Variants in EXOSC10 observed in about 807,000 individuals in gnomAD.
EXOSC10 encodes exosome component 10.
EXOSC10 carries 94 observed loss-of-function variants against 126.6 expected under a neutral mutation model. That is an observed-to-expected ratio of 0.74 (90% CI 0.63 to 0.88). EXOSC10 has a LOEUF of 0.88. Ranked by LOEUF, EXOSC10 falls within the 40% of genes least tolerant of loss-of-function variation. The pLI, the probability that EXOSC10 is intolerant of heterozygous loss-of-function variation, is 0.00. For synonymous variants in EXOSC10, 395 were observed against 400.8 expected (o/e 0.99, Z 0.17); for missense variants, 1,041 against 1,100.5 (o/e 0.95, Z 0.77).
chr1:11,077,310 C>G (rs1393886249), intron 16 of EXOSC10, 55 bp downstream of exon 16: 1 of 1,552,776 alleles, frequency 6.4e-7, no homozygotes, highest in East Asian at 2.3e-5. Flanking sequence ...GAATTTTAGA[C>G]AAGGTAGCTG....
intron 24 of EXOSC10, among the ~76,000 whole-genome samples, 172 bp downstream of exon 24, chr1:11,067,836 C>T (rs1490971757): frequency 6.6e-6 from 1 of 152,026 alleles, no homozygotes; most frequent in African/African-American, 2.4e-5. Context: ...AAATCACCTC[C>T]CGCCCTTGTT....
intron 11 of EXOSC10, 25 bp downstream of exon 11, chr1:11,081,057 C>A: frequency 6.2e-7 from 1 of 1,612,590 alleles, no homozygotes; most frequent in Non-Finnish European, 8.5e-7. Context: ...GTGTCGCGGT[C>A]TGTGTGACTG....
chr1:11,097,166 C>T (rs1040713144), intron 2 of EXOSC10, among the ~76,000 whole-genome samples: 20 of 151,582 alleles, frequency 1.3e-4, no homozygotes, highest in East Asian at 5.9e-4. Context: ...GCCGAGATCA[C>T]GCCACTGCAC....
intron 23 of EXOSC10, 119 bp from the exon 24 acceptor site, chr1:11,068,203 CCT>C (rs1294902881): frequency 1.1e-5 from 8 of 746,554 alleles, no homozygotes; most frequent in Admixed American, 2.5e-5. Context: ...CTTTAGATCC[CCT>C]GAGAGAGGAT....
rs527549223 is a variant in EXOSC10, at chr1:11,069,459, T to G, written c.2488+100A>C. On this transcript the variant is annotated intron_variant, in intron 22 of 24. Transcript: ENST00000376936. Reference sequence around the variant, plus strand: ...ACAATTCCTGGCTAGCACCATGCCTTGTGCAGGACTCACTTGGCCCCTATA... The same window carrying G: ...ACAATTCCTGGCTAGCACCATGCCTGGTGCAGGACTCACTTGGCCCCTATA... The G allele has an allele frequency of 1.1e-5, 14 of 1,315,142 alleles. No homozygotes were observed. In the South Asian group the frequency reaches 1.6e-4, roughly 15 times the overall value. 81.5% of individuals were successfully genotyped at this position (1,315,142 alleles called of 1,614,324 possible). A position where few individuals can be genotyped will look rare whatever the true frequency, so the allele number is the denominator to read the frequency against.
intron 8 of EXOSC10, 33 bp downstream of exon 8, chr1:11,087,767 T>C: frequency 6.4e-7 from 1 of 1,560,916 alleles, no homozygotes; most frequent in East Asian, 2.2e-5. Context: ...CAGAAAAATG[T>C]AAAAATTTTA....
Position 11,080,889 on chromosome 1 carries a change from C to G in EXOSC10, c.1461G>C (p.Thr487=), listed in dbSNP as rs559856271. ...CLKKFIKPIF[T]DESYLELYRK... ...TATAGAGTTCAAGGTAGGACTCATC[C>G]GTGAAGATAGGTTTGATGAATTTCT... The change falls in exon 12 of 25, where the codon ACG becomes ACC. Residue 487 remains threonine, a synonymous_variant. Transcript: ENST00000376936. 6.2e-7 allele frequency: 1 copy of G among 1,608,452 alleles called. No homozygotes were observed. The highest frequency in any genetic ancestry group is 1.1e-5 in the South Asian group (1 of 89,824).
At chr1:11,097,468 T>C (rs1318091695) in intron 2 of EXOSC10, among the ~76,000 whole-genome samples, 2 of 152,186 alleles carry the variant, frequency 1.3e-5, no homozygotes. Flanking sequence ...GGCTCACGCC[T>C]GTAATCCCAG....
chr1:11,066,849 A>G (rs1639125279), intron 24 of EXOSC10, 101 bp from the exon 25 acceptor site: 1 of 1,444,632 alleles, frequency 6.9e-7, no homozygotes. Flanking sequence ...AGAACAGAGG[A>G]AGAATGGTTT....
At chr1:11,085,549 A>C (rs1640445999) in intron 9 of EXOSC10, among the ~76,000 whole-genome samples, 1 of 152,176 alleles carries the variant, frequency 6.6e-6, no homozygotes, top group Non-Finnish European at 1.5e-5. Context: ...CTAGATATAC[A>C]ATCATGTCAT....
intron 3 of EXOSC10, among the ~76,000 whole-genome samples, chr1:11,093,376 A>G (rs1287667467): frequency 1.3e-5 from 2 of 152,246 alleles, no homozygotes; most frequent in East Asian, 1.9e-4. Flanking sequence ...GACGTGAAAT[A>G]TCAGCTTGGG....
chr1:11,079,377 G>A (rs1423488453), intron 14 of EXOSC10, among the ~76,000 whole-genome samples: 1 of 150,316 alleles, frequency 6.7e-6, no homozygotes, highest in Non-Finnish European at 1.5e-5. Flanking sequence ...TGCTAAGTTG[G>A]GACCCTTCAG....
At chr1:11,067,924 C>T in intron 24 of EXOSC10, 84 bp downstream of exon 24, 2 of 1,209,764 alleles carry the variant, frequency 1.7e-6, no homozygotes, top group Non-Finnish European at 2.4e-6. Flanking sequence ...CACTCGCTCC[C>T]CAGCTACTCC....
At chr1:11,084,841 A>G (rs1640400562) in intron 9 of EXOSC10, among the ~76,000 whole-genome samples, 1 of 152,220 alleles carries the variant, frequency 6.6e-6, no homozygotes, top group African/African-American at 2.4e-5. Context: ...AGCTTTCTAC[A>G]TATGGCTAGC....
rs113801863 is a variant in EXOSC10 at position 11,074,228 on chromosome 1, C to T, written c.2082+3G>A. 1,433 of 1,611,570 alleles carry T rather than the reference C, an allele frequency of 8.9e-4. 10 individuals are homozygous for T. The African/African-American group carries it at 0.016, about 18-fold the overall frequency. On this transcript the variant is annotated splice_donor_region_variant and intron_variant, in intron 18 of 24. Coordinates refer to ENST00000376936, the MANE Select transcript of EXOSC10 (RefSeq NM_001001998.3). ...TGTCAGCCCTGACAAAACTACTACTCACCATCCTAAATGGATTTTCAAAGG... is the reference window on the plus strand; with the variant it reads ...TGTCAGCCCTGACAAAACTACTACTTACCATCCTAAATGGATTTTCAAAGG...
At chr1:11,085,292 CT>C (rs1201984871) in intron 9 of EXOSC10, among the ~76,000 whole-genome samples, 1 of 152,146 alleles carries the variant, frequency 6.6e-6, no homozygotes, top group Non-Finnish European at 1.5e-5. Flanking sequence ...TTTGTATCCT[CT>C]TTTATTTCAT....
chr1:11,094,648 T>A (rs983463535), intron 3 of EXOSC10, among the ~76,000 whole-genome samples: 2 of 147,644 alleles, frequency 1.4e-5, no homozygotes, highest in African/African-American at 5.1e-5. Context: ...TCATCCAGGC[T>A]GGAGTGCAGT....
At chr1:11,094,414 C>T (rs1640958666) in intron 3 of EXOSC10, among the ~76,000 whole-genome samples, 1 of 151,652 alleles carries the variant, frequency 6.6e-6, no homozygotes. Flanking sequence ...CCTGCCTCAG[C>T]CTCCTGAGTA....
intron 24 of EXOSC10, among the ~76,000 whole-genome samples, chr1:11,067,097 G>C (rs928835565): frequency 6.6e-6 from 1 of 152,204 alleles, no homozygotes; most frequent in Non-Finnish European, 1.5e-5. Flanking sequence ...AGGAGTTTGA[G>C]ACCAGCCTGG....
Sources: gnomAD v4.1 joint callset for allele counts (sites outside exome capture counted in the v4.1 genomes callset) on GRCh38, gnomAD v4.1.1 for gene constraint, MANE v1.5 for transcripts, NCBI Gene and HGNC (gene_info 2026-07-23, HGNC 2026-07-21) for gene names.